Variants in SLF1 observed in about 807,000 individuals in gnomAD.
The protein encoded by SLF1 is SMC5-SMC6 complex localization factor protein 1.
Under a neutral mutation model 123.0 loss-of-function variants are expected in SLF1, and 105 were observed. The observed-to-expected ratio is 0.85, with a 90% CI of 0.73 to 1.00. The LOEUF (loss-of-function observed/expected upper bound fraction) is 1.00, where lower values mean the gene tolerates loss of function less well. Ranked by LOEUF, SLF1 falls within the 50% of genes least tolerant of loss-of-function variation. The probability of loss-of-function intolerance (pLI) is 0.00; values close to 1 mark genes in which losing one functional copy is unlikely to be tolerated. For synonymous variants in SLF1, 434 were observed against 406.6 expected, an observed-to-expected ratio of 1.07 and a Z score of -0.81; for missense variants, 1,239 against 1,223.0, an observed-to-expected ratio of 1.01 and a Z score of -0.20.
intron 4 of SLF1, among the ~76,000 whole-genome samples, chr5:94,635,711 A>T (rs1745694609): frequency 5.3e-5 from 8 of 151,746 alleles, no homozygotes; most frequent in Admixed American, 5.3e-4. Flanking sequence ...ACTCTCCCCC[A>T]TTTTATGTTT....
chr5:94,635,311 G>C (rs1745632562), intron 4 of SLF1, among the ~76,000 whole-genome samples: 1 of 137,078 alleles, frequency 7.3e-6, no homozygotes, highest in African/African-American at 2.8e-5. Context: ...GGTGAAGTTG[G>C]TCTCCCGTAG....
rs1034308276 is a variant in SLF1 at position 94,696,842 on chromosome 5, C to T, written c.*1530C>T. On this transcript the variant is annotated 3_prime_UTR_variant, in exon 21 of 21. Coordinates refer to ENST00000265140, the MANE Select transcript of SLF1 (RefSeq NM_032290.4). ...GTCAAATAGAAATCACACCAGGTAT[C>T]TTTGTCATGATAGAATTGTTAGCAT... 4.6e-5 allele frequency: 7 copies of T among 151,820 alleles called. No individual in the cohort carries two copies. Among genetic ancestry groups the T allele is most frequent in the Non-Finnish European group, 8.8e-5 (6 of 67,876 alleles). The allele number at this position is 151,820 out of a possible 1,614,324, so 9.4% of individuals were successfully genotyped here.
chr5:94,631,325 T>C (rs1056751117), intron 4 of SLF1, among the ~76,000 whole-genome samples: 4 of 152,176 alleles, frequency 2.6e-5, no homozygotes, highest in African/African-American at 4.8e-5. Flanking sequence ...TTTGGACAAA[T>C]TGATGCACCC....
chr5:94,642,086 A>C (rs1001363929), intron 4 of SLF1, among the ~76,000 whole-genome samples: 2 of 152,200 alleles, frequency 1.3e-5, no homozygotes, highest in Non-Finnish European at 2.9e-5. Flanking sequence ...CACCCCTCCA[A>C]GAGAAGCAGT....
At chr5:94,684,590 C>T (rs1026004327) in intron 15 of SLF1, among the ~76,000 whole-genome samples, 6 of 150,388 alleles carry the variant, frequency 4.0e-5, no homozygotes, top group Middle Eastern at 3.4e-3. Flanking sequence ...CCCAGCTACT[C>T]GGGAGCCTGA....
At chr5:94,658,261 ATAT>A (rs1296286810) in intron 9 of SLF1, among the ~76,000 whole-genome samples, 1 of 146,718 alleles carries the variant, frequency 6.8e-6, no homozygotes, top group African/African-American at 2.5e-5. Flanking sequence ...ATGGTGGTAG[ATAT>A]CATCCGTTTG....
chr5:94,676,072 A>T (rs1751024531), intron 14 of SLF1, among the ~76,000 whole-genome samples: 1 of 152,010 alleles, frequency 6.6e-6, no homozygotes, highest in African/African-American at 2.4e-5. Flanking sequence ...TGAGATGGAG[A>T]ATACTTTCAG....
intron 9 of SLF1, among the ~76,000 whole-genome samples, chr5:94,659,651 G>A (rs1748837795): frequency 6.6e-6 from 1 of 152,202 alleles, no homozygotes; most frequent in African/African-American, 2.4e-5. Context: ...GTTAGTGGAG[G>A]CTATAATGAA....
intron 5 of SLF1, among the ~76,000 whole-genome samples, chr5:94,648,543 G>A (rs1327732657): frequency 1.3e-5 from 2 of 152,176 alleles, no homozygotes; most frequent in Non-Finnish European, 2.9e-5. Context: ...GTGCAGTGGT[G>A]TGATCTTGGC....
chr5:94,647,437 C>T (rs1255679898), intron 5 of SLF1, among the ~76,000 whole-genome samples: 1 of 152,130 alleles, frequency 6.6e-6, no homozygotes, highest in East Asian at 1.9e-4. Context: ...TATACCTAGC[C>T]AAAGATAGGA....
At chr5:94,679,671 A>G (rs964933738) in intron 15 of SLF1, among the ~76,000 whole-genome samples, 8 of 152,266 alleles carry the variant, frequency 5.3e-5, no homozygotes, top group African/African-American at 1.9e-4. Context: ...AGAAATGAAC[A>G]TGGATGAAGC....
chr5:94,637,555 A>C (rs1311992333), intron 4 of SLF1, among the ~76,000 whole-genome samples: 1 of 152,078 alleles, frequency 6.6e-6, no homozygotes, highest in Non-Finnish European at 1.5e-5. Context: ...ATTGCTGCTT[A>C]AGATGGATGG....
chr5:94,677,265 CA>C (rs1400279198), intron 14 of SLF1, among the ~76,000 whole-genome samples: 11 of 152,068 alleles, frequency 7.2e-5, no homozygotes, highest in Non-Finnish European at 1.5e-4. Flanking sequence ...TAAATATAAA[CA>C]TTTTTTCGAA....
intron 16 of SLF1, among the ~76,000 whole-genome samples, chr5:94,687,825 A>G (rs1031333838): frequency 6.6e-6 from 1 of 152,160 alleles, no homozygotes; most frequent in African/African-American, 2.4e-5. Context: ...ATTCCTACAT[A>G]GGTTATTATT....
intron 12 of SLF1, among the ~76,000 whole-genome samples, chr5:94,669,348 G>A (rs563854926): frequency 6.6e-6 from 1 of 152,170 alleles, no homozygotes; most frequent in Non-Finnish European, 1.5e-5. Flanking sequence ...GACAGCGGAA[G>A]TGGAGACAGA....
chr5:94,625,152 C>T (rs952088609), intron 1 of SLF1, among the ~76,000 whole-genome samples: 3 of 149,438 alleles, frequency 2.0e-5, no homozygotes, highest in African/African-American at 7.4e-5. Flanking sequence ...GAGATTGTGC[C>T]ACTGTACTCC....
intron 16 of SLF1, among the ~76,000 whole-genome samples, chr5:94,688,043 T>C (rs1165961778): frequency 7.7e-6 from 1 of 130,216 alleles, no homozygotes; most frequent in Non-Finnish European, 1.7e-5. Context: ...TATTAATATC[T>C]TTAGATATTA....
At chr5:94,678,191 A>T (rs1470498387) in intron 14 of SLF1, among the ~76,000 whole-genome samples, 2 of 152,168 alleles carry the variant, frequency 1.3e-5, no homozygotes, top group Non-Finnish European at 2.9e-5. Flanking sequence ...AAGTGCTGGG[A>T]TTACAGGCGT....
intron 14 of SLF1, among the ~76,000 whole-genome samples, chr5:94,677,344 A>G (rs1278921890): frequency 1.3e-5 from 2 of 152,198 alleles, no homozygotes; most frequent in Admixed American, 1.3e-4. Context: ...AAAAATCACA[A>G]AACAGTTGGG....
Sources: gnomAD v4.1 joint callset for allele counts (sites outside exome capture counted in the v4.1 genomes callset) on GRCh38, gnomAD v4.1.1 for gene constraint, MANE v1.5 for transcripts, NCBI Gene and HGNC (gene_info 2026-07-23, HGNC 2026-07-21) for gene names.